LRBA: variants seen among roughly 807,000 people sequenced by gnomAD.
LRBA encodes the protein LPS responsive beige-like anchor protein.
LRBA carries 176 observed loss-of-function variants against 330.0 expected under a neutral mutation model. The ratio of observed to expected loss-of-function variants is 0.53; its 90% CI spans 0.47 to 0.60. The LOEUF (loss-of-function observed/expected upper bound fraction) is 0.60, where lower values mean the gene tolerates loss of function less well. Ranked by LOEUF, LRBA falls within the 20% of genes least tolerant of loss-of-function variation. The pLI, the probability that LRBA is intolerant of heterozygous loss-of-function variation, is 0.00. For synonymous variants in LRBA, 1,230 were observed against 1,193.0 expected (o/e 1.03, Z -0.64); for missense variants, 3,259 against 3,444.8 (o/e 0.95, Z 1.35).
intron 2 of LRBA, among the ~76,000 whole-genome samples, chr4:150,999,066 A>ACTTTT (rs1743033920): frequency 6.6e-6 from 1 of 152,210 alleles, no homozygotes; most frequent in African/African-American, 2.4e-5. Flanking sequence ...GGTAAATATA[A>ACTTTT]CAAAAAATAC....
chr4:150,661,353 C>A (rs1167689513), intron 37 of LRBA, among the ~76,000 whole-genome samples: 1 of 150,830 alleles, frequency 6.6e-6, no homozygotes, highest in Admixed American at 6.6e-5. Flanking sequence ...CCCAGCTATT[C>A]AGGAGGCTGA....
chr4:150,705,176 G>A lies in LRBA; in HGVS notation c.5755-21459C>T, dbSNP rs533372008. Among the ~76,000 whole-genome samples the A allele has an allele frequency of 9.9e-5, 15 of 152,090 alleles. No individual in the cohort carries two copies. The East Asian group carries it at 1.9e-3, about 20-fold the overall frequency. On this transcript the variant is annotated intron_variant, in intron 36 of 56. Transcript: ENST00000651943. ...CAGGGGCTCCTGATTCTTAAGAGCC[G>A]GTAACCGTCTAGAATGAAGTGTATA...
intron 22 of LRBA, among the ~76,000 whole-genome samples, chr4:150,853,825 A>G (rs1419356988): frequency 6.6e-6 from 1 of 152,146 alleles, no homozygotes; most frequent in Non-Finnish European, 1.5e-5. Flanking sequence ...AAATGCCAGA[A>G]AAACCTATAA....
Position 150,413,705 on chromosome 4 carries a change from CA to C in LRBA, c.7194+1732del, listed in dbSNP as rs1747337885. On this transcript the variant is annotated intron_variant, in intron 47 of 56. Coordinates refer to ENST00000651943, the MANE Select transcript of LRBA (RefSeq NM_001364905.1). The stretch of plus-strand genomic sequence containing the variant: ...TAAAGCTGGAATGTAGTGGCAGTTA[CA>C]TAACTGTATACACTTACTAAACTCC... 7.9e-5 allele frequency among the ~76,000 whole-genome samples: 12 copies of C among 152,238 alleles called. 1 individual carries two copies. In the South Asian group the frequency reaches 2.5e-3, roughly 32 times the overall value.
At chr4:150,354,845 T>C (rs1737621581) in intron 47 of LRBA, among the ~76,000 whole-genome samples, 1 of 152,036 alleles carries the variant, frequency 6.6e-6, no homozygotes, top group African/African-American at 2.4e-5. Flanking sequence ...ATACAGAATA[T>C]CAACAAAGTT....
intron 40 of LRBA, among the ~76,000 whole-genome samples, chr4:150,521,126 C>T (rs1168220508): frequency 1.3e-5 from 2 of 151,966 alleles, no homozygotes; most frequent in African/African-American, 4.8e-5. Flanking sequence ...TTTTATTAAT[C>T]TGATTAGATG....
chr4:150,921,315 C>A, intron 4 of LRBA, 22 bp from the exon 5 acceptor site: 1 of 1,332,024 alleles, frequency 7.5e-7, no homozygotes, highest in East Asian at 2.3e-5. Context: ...ATTAACAATT[C>A]ATTAACCACA....
At chr4:150,829,478 G>C (rs1472067295) in intron 29 of LRBA, among the ~76,000 whole-genome samples, 1 of 152,108 alleles carries the variant, frequency 6.6e-6, no homozygotes, top group Non-Finnish European at 1.5e-5. Flanking sequence ...TAACTCCAAT[G>C]GTCAGTGTTC....
intron 40 of LRBA, among the ~76,000 whole-genome samples, chr4:150,542,860 C>G (rs778842418): frequency 7.2e-5 from 11 of 151,868 alleles, no homozygotes; most frequent in Non-Finnish European, 1.5e-4. Flanking sequence ...CATAATCATA[C>G]AAAAAAATTT....
intron 56 of LRBA, among the ~76,000 whole-genome samples, chr4:150,273,054 C>G (rs1431502177): frequency 1.3e-5 from 2 of 152,068 alleles, no homozygotes; most frequent in Non-Finnish European, 2.9e-5. Flanking sequence ...TTAAGGGCAG[C>G]CAGAAAGAAA....
chr4:150,590,960 T>A, intron 38 of LRBA, 101 bp from the exon 39 acceptor site: 1 of 970,124 alleles, frequency 1.0e-6, no homozygotes, highest in Non-Finnish European at 1.5e-6. Context: ...AGATGGTCAA[T>A]CTTTTATACA....
chr4:150,768,959 A>G (rs1268614983), intron 34 of LRBA, among the ~76,000 whole-genome samples: 2 of 97,398 alleles, frequency 2.1e-5, no homozygotes, highest in Non-Finnish European at 3.6e-5. Context: ...TTTTTTTGAG[A>G]CACAGTCTCA....
chr4:150,481,301 T>C (rs1581437592), intron 42 of LRBA, among the ~76,000 whole-genome samples: 1 of 152,062 alleles, frequency 6.6e-6, no homozygotes, highest in African/African-American at 2.4e-5. Flanking sequence ...ATAAACATGG[T>C]GGGTGCAGAT....
intron 48 of LRBA, among the ~76,000 whole-genome samples, chr4:150,326,259 A>G (rs2126947342): frequency 6.6e-6 from 1 of 152,298 alleles, no homozygotes; most frequent in African/African-American, 2.4e-5. Context: ...TTACAGGTAT[A>G]GAGAAAAACT....
intron 44 of LRBA, among the ~76,000 whole-genome samples, chr4:150,449,970 C>T (rs1753146256): frequency 6.6e-6 from 1 of 152,026 alleles, no homozygotes; most frequent in African/African-American, 2.4e-5. Flanking sequence ...ATGTAAATGA[C>T]CTCAACACCC....
At chr4:150,693,547 G>A (rs561886720) in intron 36 of LRBA, among the ~76,000 whole-genome samples, 3 of 106,952 alleles carry the variant, frequency 2.8e-5, no homozygotes, top group Non-Finnish European at 5.4e-5. Flanking sequence ...CTGGGTGACA[G>A]AGCGAGACTC....
In LRBA at chr4:150,583,757, T is replaced by A; in HGVS notation, c.6330+4291A>T. On this transcript the variant is annotated intron_variant, in intron 40 of 56. Coordinates refer to ENST00000651943, the MANE Select transcript of LRBA (RefSeq NM_001364905.1). This position sits in a 1 kb window ranked among gnomAD's most constrained non-coding sequence, Gnocchi z 9.8. ...GGGGAGGCGGAGAACCGCCTGCTGA[T>A]GGGCGGCTGCCGAAACAAGTGCCTC... 6.2e-7 allele frequency: 1 copy of A among 1,613,902 alleles called. No homozygotes were observed.
intron 48 of LRBA, among the ~76,000 whole-genome samples, chr4:150,329,854 T>A (rs1288902182): frequency 1.3e-5 from 2 of 152,216 alleles, no homozygotes; most frequent in Non-Finnish European, 2.9e-5. Context: ...GTTTCACATA[T>A]AAAGTCACTA....
chr4:150,638,876 T>C (rs1778202124), intron 37 of LRBA, among the ~76,000 whole-genome samples: 2 of 104,822 alleles, frequency 1.9e-5, no homozygotes, highest in South Asian at 3.8e-4. Flanking sequence ...GGACTATAAA[T>C]CATGCTGCTA....
Sources: allele counts gnomAD v4.1 joint callset (sites outside exome capture counted in the v4.1 genomes callset), GRCh38; gene constraint gnomAD v4.1.1; non-coding constraint Gnocchi (gnomAD v3.1); transcripts MANE v1.5; gene names NCBI Gene and HGNC (gene_info 2026-07-23, HGNC 2026-07-21).